The following FBXO22 variants were observed in gnomAD, a reference collection of about 807,000 sequenced individuals.
FBXO22 encodes the protein F-box only protein 22.
FBXO22 carries 13 observed loss-of-function variants against 37.2 expected under a neutral mutation model. The ratio of observed to expected loss-of-function variants is 0.35; its 90% CI spans 0.23 to 0.56. The LOEUF is 0.56. Among genes scored for constraint, FBXO22 ranks in the 20% least tolerant of loss-of-function variants. FBXO22 has a pLI of 0.87. For missense variants in FBXO22, 446 were observed against 509.9 expected, an observed-to-expected ratio of 0.87 and a Z score of 1.21; for synonymous variants, 189 against 189.1, an observed-to-expected ratio of 1.00 and a Z score of 0.00.
rs570809182 is a variant in FBXO22, at chr15:75,942,312, C to T, written c.*9210C>T. 1.1e-4 allele frequency: 16 copies of T among 151,972 alleles called. No individual in the cohort carries two copies. The highest frequency in any genetic ancestry group is 7.2e-4 in the Admixed American group (11 of 15,276). The allele number at this position is 151,972 out of a possible 1,614,324, so 9.4% of individuals were successfully genotyped here. On this transcript the variant is annotated 3_prime_UTR_variant, in exon 7 of 7. Transcript: ENST00000308275. ...GACCCTTCATGTAAATTACAGGCTT[C>T]AGCTAGCCTGGATGACAGAGTGAGA...
chr15:75,931,275 C>T (rs1567056979), intron 6 of FBXO22, among the ~76,000 whole-genome samples: 1 of 151,972 alleles, frequency 6.6e-6, no homozygotes, highest in Non-Finnish European at 1.5e-5. Context: ...AAGAGAAACA[C>T]CCCCCACCCC....
intron 5 of FBXO22, among the ~76,000 whole-genome samples, chr15:75,925,471 T>C (rs569092892): frequency 6.6e-6 from 1 of 152,116 alleles, no homozygotes; most frequent in African/African-American, 2.4e-5. Flanking sequence ...AATAGAACTT[T>C]AATGACTTGT....
rs951935045 is a variant in FBXO22, at chr15:75,934,718, T to C, written c.*1616T>C. The C allele has an allele frequency of 7.2e-5, 11 of 152,208 alleles. No individual in the cohort carries two copies. Among genetic ancestry groups the C allele is most frequent in the Non-Finnish European group, 1.5e-4 (10 of 68,040 alleles). 9.4% of individuals were successfully genotyped at this position (152,208 alleles called of 1,614,324 possible). Reference sequence around the variant, plus strand: ...ATATTTAGCTCTTGCTATTTAGCTATTATCAAAATACCTCAAAATTTTAGT... The same window carrying C: ...ATATTTAGCTCTTGCTATTTAGCTACTATCAAAATACCTCAAAATTTTAGT... On this transcript the variant is annotated 3_prime_UTR_variant, in exon 7 of 7. Coordinates refer to ENST00000308275, the MANE Select transcript of FBXO22 (RefSeq NM_147188.3).
At chr15:75,932,564 T>G in intron 6 of FBXO22, 121 bp from the exon 7 acceptor site, 1 of 908,818 alleles carries the variant, frequency 1.1e-6, no homozygotes, top group South Asian at 1.7e-5. Context: ...AGGGTGAGCC[T>G]CAGATTAACC....
chr15:75,911,981 TG>T (rs1483600721), intron 2 of FBXO22, among the ~76,000 whole-genome samples: 2 of 151,316 alleles, frequency 1.3e-5, no homozygotes, highest in Non-Finnish European at 2.9e-5. Flanking sequence ...GAAGGGGTGT[TG>T]AATTTTATCA....
intron 4 of FBXO22, among the ~76,000 whole-genome samples, chr15:75,915,983 A>ATT (rs1204548827): frequency 1.3e-5 from 2 of 148,606 alleles, no homozygotes; most frequent in Non-Finnish European, 3.0e-5. Context: ...AGGCAGGAGA[A>ATT]TTGCTGGAAA....
Position 75,933,802 on chromosome 15 carries a change from C to T in FBXO22, c.*700C>T. 3.8e-6 allele frequency: 1 copy of T among 261,754 alleles called. No homozygotes were observed. The highest frequency in any genetic ancestry group is 7.7e-6 in the Non-Finnish European group (1 of 129,782). 16.2% of individuals were successfully genotyped at this position (261,754 alleles called of 1,614,324 possible). A position where few individuals can be genotyped will look rare whatever the true frequency, so the allele number is the denominator to read the frequency against. ...TACATCATCTTATTTTGGTTTTATA[C>T]CAATAAAACATAGCGTGGAACTCAT... On this transcript the variant is annotated 3_prime_UTR_variant, in exon 7 of 7. Coordinates refer to ENST00000308275, the MANE Select transcript of FBXO22 (RefSeq NM_147188.3).
rs1595920873 is a variant in FBXO22, at chr15:75,933,689, TTA to T, written c.*590_*591del. ...ATTGACAAGACTAATCAGTATTTTA[TTA>T]TAAGTAAAAGATTTTTCTTCTTTCC... On this transcript the variant is annotated 3_prime_UTR_variant, in exon 7 of 7. Transcript: ENST00000308275. 7 of 274,098 alleles carry T rather than the reference TTA, an allele frequency of 2.6e-5. No homozygotes were observed. The East Asian group carries it at 5.2e-4, about 20-fold the overall frequency. 17.0% of individuals were successfully genotyped at this position (274,098 alleles called of 1,614,324 possible).
rs1363087188 is a variant in FBXO22 at position 75,940,377 on chromosome 15, G to A, written c.*7275G>A. ...AAATACATCTCATGTTCATGGATTG[G>A]AAAATCTAATGTTAATATGTCAGTA... On this transcript the variant is annotated 3_prime_UTR_variant, in exon 7 of 7. Transcript: ENST00000308275. 6.6e-6 allele frequency: 1 copy of A among 151,124 alleles called. No individual in the cohort carries two copies. Among genetic ancestry groups the A allele is most frequent in the Non-Finnish European group, 1.5e-5 (1 of 67,864 alleles). The allele number at this position is 151,124 out of a possible 1,614,324, so 9.4% of individuals were successfully genotyped here. A position where few individuals can be genotyped will look rare whatever the true frequency, so the allele number is the denominator to read the frequency against.
intron 4 of FBXO22, among the ~76,000 whole-genome samples, chr15:75,916,969 C>G (rs1462166012): frequency 1.3e-5 from 2 of 151,992 alleles, no homozygotes; most frequent in African/African-American, 4.8e-5. Flanking sequence ...TGATAAATAC[C>G]CATATACCCT....
At position 75,929,868 on chromosome 15, in the gene FBXO22, C is replaced by T. The variant is rs761493980; in HGVS notation, c.629-16C>T. On this transcript the variant is annotated splice_polypyrimidine_tract_variant and intron_variant, in intron 5 of 6. Coordinates refer to ENST00000308275, the MANE Select transcript of FBXO22 (RefSeq NM_147188.3). ...TTTAAGGCTGTCTTTAACTGTTGCT[C>T]TTCATTTCTCTGCAGGTCTTTTAGA... The T allele has an allele frequency of 3.1e-6, 5 of 1,613,692 alleles. No individual in the cohort carries two copies. The highest frequency in any genetic ancestry group is 4.2e-6 in the Non-Finnish European group (5 of 1,179,726).
At position 75,936,515 on chromosome 15, in the gene FBXO22, T is replaced by C. The variant is rs1178163487; in HGVS notation, c.*3413T>C. The C allele has an allele frequency of 6.6e-6, 1 of 152,230 alleles. No homozygotes were observed. The allele number at this position is 152,230 out of a possible 1,614,324, so 9.4% of individuals were successfully genotyped here. On this transcript the variant is annotated 3_prime_UTR_variant, in exon 7 of 7. Coordinates refer to ENST00000308275, the MANE Select transcript of FBXO22 (RefSeq NM_147188.3). ...CAACTGAAGACAGGTTACAAGAACA[T>C]GTGCTACTACAAAGTAGGAAACTGG...
rs902605150 is a variant in FBXO22, at chr15:75,940,879, G to C, written c.*7777G>C. 2 of 152,072 alleles carry C rather than the reference G, an allele frequency of 1.3e-5. No individual in the cohort carries two copies. Among genetic ancestry groups the C allele is most frequent in the Non-Finnish European group, 2.9e-5 (2 of 67,974 alleles). The allele number at this position is 152,072 out of a possible 1,614,324, so 9.4% of individuals were successfully genotyped here. On this transcript the variant is annotated 3_prime_UTR_variant, in exon 7 of 7. Coordinates refer to ENST00000308275, the MANE Select transcript of FBXO22 (RefSeq NM_147188.3). ...AGAGCTAAAACCATAAAACTCTTAG[G>C]ATGTGGCAGTGGTTTCTTGGATATG...
chr15:75,904,933 C>A (rs994498127), intron 2 of FBXO22, among the ~76,000 whole-genome samples: 3 of 151,324 alleles, frequency 2.0e-5, no homozygotes, highest in Admixed American at 6.6e-5. Context: ...ACGCCATTCT[C>A]CTGCCTCAGC....
At chr15:75,920,970 A>G (rs1567054382) in intron 5 of FBXO22, among the ~76,000 whole-genome samples, 3 of 152,234 alleles carry the variant, frequency 2.0e-5, no homozygotes, top group African/African-American at 7.2e-5. Flanking sequence ...GTTCTGAGAA[A>G]TGCATCTTTA....
chr15:75,917,538 A>G (rs900134060), intron 5 of FBXO22, 144 bp downstream of exon 5: 1 of 592,620 alleles, frequency 1.7e-6, no homozygotes, highest in Non-Finnish European at 2.9e-6. Flanking sequence ...GGCTAATTCA[A>G]ACAGGTGATT....
chr15:75,917,531 T>A, intron 5 of FBXO22, 137 bp downstream of exon 5: 1 of 601,804 alleles, frequency 1.7e-6, no homozygotes, highest in South Asian at 2.3e-5. Flanking sequence ...GAGATGTGGC[T>A]AATTCAAACA....
In FBXO22 at chr15:75,914,020, ATATTTCCAG is replaced by A. The variant is rs1900127904; in HGVS notation, c.368-84_368-76del. The A allele has an allele frequency of 8.0e-6, 7 of 870,948 alleles. No homozygotes were observed. The East Asian group carries it at 1.8e-4, about 22-fold the overall frequency. 54.0% of individuals were successfully genotyped at this position (870,948 alleles called of 1,614,324 possible). ...AGCATTCTCGTGTTAAATGACTTAA[ATATTTCCAG>A]TATTTGCTTTTTTACTTTTTCATTC... is the stretch of plus-strand genomic sequence containing the variant. On this transcript the variant is annotated intron_variant, in intron 3 of 6. Transcript: ENST00000308275.
chr15:75,917,279 A>C lies in FBXO22; in HGVS notation c.513A>C (p.Gly171=), dbSNP rs1900212341. Residue 171 remains glycine (G), a synonymous_variant, in exon 5 of 7, where the codon GGA becomes GGC. Transcript: ENST00000308275. ...GSNRPQEIEI[G]ESGFALLFPQ... The stretch of plus-strand genomic sequence containing the variant: ...ATCGACCTCAGGAAATAGAAATTGG[A>C]GAATCTGGTTTTGCTTTATTATTCC... 1.2e-6 allele frequency: 2 copies of C among 1,612,526 alleles called. No individual in the cohort carries two copies.
Sources: allele counts gnomAD v4.1 joint callset (sites outside exome capture counted in the v4.1 genomes callset), GRCh38; gene constraint gnomAD v4.1.1; transcripts MANE v1.5; gene names NCBI Gene and HGNC (gene_info 2026-07-23, HGNC 2026-07-21).